Variants in ZC3H12B observed in about 807,000 individuals in gnomAD.
ZC3H12B encodes the protein zinc finger CCCH-type containing 12B, also known as probable ribonuclease ZC3H12B.
A neutral mutation model predicts 43.9 loss-of-function variants in ZC3H12B; 7 were observed. That is an observed-to-expected ratio of 0.16 (90% CI 0.09 to 0.30). The LOEUF (loss-of-function observed/expected upper bound fraction) is 0.30. Among genes scored for constraint, ZC3H12B ranks in the 10% least tolerant of loss-of-function variants. The pLI is 1.00. For missense variants in ZC3H12B, 475 were observed against 670.2 expected (o/e 0.71, Z 3.22); for synonymous variants, 222 against 241.7 (o/e 0.92, Z 0.76).
chrX:65,158,764 C>G, the ZC3H12B span, among the ~76,000 whole-genome samples: 3 of 111,775 alleles, frequency 2.7e-5, no homozygotes, highest in Non-Finnish European at 5.6e-5. Flanking sequence ...TGTGCAGAAG[C>G]TCTTTAGTTT....
intron 2 of ZC3H12B, among the ~76,000 whole-genome samples, chrX:65,380,049 G>C (rs2066413813): frequency 8.9e-6 from 1 of 112,132 alleles, no homozygotes; most frequent in Non-Finnish European, 1.9e-5. Flanking sequence ...TATTATCCAA[G>C]AGAAATTCCC....
the ZC3H12B span, among the ~76,000 whole-genome samples, chrX:65,269,882 A>G: frequency 1.8e-5 from 2 of 111,913 alleles, no homozygotes; most frequent in African/African-American, 6.5e-5. Flanking sequence ...AATAAAATAA[A>G]GAAGGCATGA....
the ZC3H12B span, among the ~76,000 whole-genome samples, chrX:65,152,432 C>T: frequency 9.0e-6 from 1 of 111,423 alleles, no homozygotes; most frequent in East Asian, 2.8e-4. Context: ...TTCTTATACA[C>T]CAATAACAGA....
At chrX:65,084,093 A>G in the ZC3H12B span, among the ~76,000 whole-genome samples, 2 of 112,152 alleles carry the variant, frequency 1.8e-5, no homozygotes, top group African/African-American at 3.2e-5. Flanking sequence ...CTCTTGCCAT[A>G]TACAAAAATC....
chrX:65,338,549 G>A, the ZC3H12B span, among the ~76,000 whole-genome samples: 26,839 of 111,380 alleles, frequency 0.24, 7,714 homozygotes, highest in African/African-American at 0.83. Flanking sequence ...AAATCGGGCA[G>A]AGACACAAGG....
intron 3 of ZC3H12B, among the ~76,000 whole-genome samples, chrX:65,437,445 G>A (rs1208950524): frequency 8.9e-6 from 1 of 112,348 alleles, no homozygotes; most frequent in African/African-American, 3.2e-5. Context: ...ATTCTGACTA[G>A]GGTGAGATGA....
At chrX:65,211,981 T>G in the ZC3H12B span, among the ~76,000 whole-genome samples, 1 of 69,444 alleles carries the variant, frequency 1.4e-5, no homozygotes, top group African/African-American at 6.1e-5. Context: ...GTATACTATA[T>G]AATATATAAT....
At chrX:65,237,871 A>G in the ZC3H12B span, among the ~76,000 whole-genome samples, 1 of 111,714 alleles carries the variant, frequency 9.0e-6, no homozygotes, top group Admixed American at 9.5e-5. Flanking sequence ...ACATTTGTTA[A>G]TTAATGTATG....
the ZC3H12B span, among the ~76,000 whole-genome samples, chrX:65,275,862 C>T: frequency 2.7e-5 from 3 of 111,503 alleles, no homozygotes; most frequent in Non-Finnish European, 5.6e-5. Context: ...AAAATATACA[C>T]GATTTCAGAA....
chrX:65,053,655 T>C, the ZC3H12B span, among the ~76,000 whole-genome samples: 1 of 111,606 alleles, frequency 9.0e-6, no homozygotes, highest in Non-Finnish European at 1.9e-5. Flanking sequence ...ATGGTATTTC[T>C]AGTTCTAGAT....
chrX:65,142,852 G>C, the ZC3H12B span, among the ~76,000 whole-genome samples: 12 of 112,199 alleles, frequency 1.1e-4, no homozygotes, highest in African/African-American at 3.9e-4. Flanking sequence ...TGTTTCATTG[G>C]TCTGTGTGCC....
chrX:65,483,754 G>C (rs780717263), upstream of ZC3H12B, among the ~76,000 whole-genome samples: 3 of 112,283 alleles, frequency 2.7e-5, no homozygotes, highest in Admixed American at 1.9e-4. Flanking sequence ...AGTAAAATGT[G>C]ATGATTTGAT....
chrX:65,314,138 A>T, the ZC3H12B span, among the ~76,000 whole-genome samples: 2 of 111,516 alleles, frequency 1.8e-5, no homozygotes, highest in South Asian at 3.7e-4. Flanking sequence ...CAGAGAAAAA[A>T]AAATTAAATC....
At chrX:65,109,937 G>A in the ZC3H12B span, among the ~76,000 whole-genome samples, 1 of 111,278 alleles carries the variant, frequency 9.0e-6, no homozygotes, top group African/African-American at 3.3e-5. Context: ...TTTCCCTAAT[G>A]AGCAATGATG....
At chrX:65,243,431 G>C in the ZC3H12B span, among the ~76,000 whole-genome samples, 1 of 111,952 alleles carries the variant, frequency 8.9e-6, no homozygotes, top group African/African-American at 3.2e-5. Flanking sequence ...TCTTACTCCA[G>C]TTAGAATGTT....
Position 65,406,565 on chromosome X carries a change from A to AGCGGGGCTGGGCGGGGCTG in ZC3H12B, n.407+7861_407+7862insGCGGGGCTGGGCGGGGCTG, listed in dbSNP as rs1569396749. Among the ~76,000 whole-genome samples the AGCGGGGCTGGGCGGGGCTG allele has an allele frequency of 9.3e-3, 453 of 48,616 alleles. 3 individuals are homozygous for AGCGGGGCTGGGCGGGGCTG. The highest frequency in any genetic ancestry group is 0.012 in the Non-Finnish European group (356 of 29,987). The allele number at this position is 48,616 out of a possible 115,157, so 42.2% of individuals were successfully genotyped here. On this transcript the variant is annotated intron_variant and non_coding_transcript_variant, in intron 3 of 5. Coordinates refer to the ZC3H12B transcript ENST00000617377. ...AGCGTCCCCCGCCCGATCGGGGCTGAACGGGGCTGGGCGGGGCTGGGCGGG... is the reference window on the plus strand; with the variant it reads ...AGCGTCCCCCGCCCGATCGGGGCTGAGCGGGGCTGGGCGGGGCTGACGGGGCTGGGCGGGGCTGGGCGGG...
At chrX:65,232,680 G>A in the ZC3H12B span, among the ~76,000 whole-genome samples, 3 of 111,466 alleles carry the variant, frequency 2.7e-5, no homozygotes, top group South Asian at 1.1e-3. Context: ...AAGGAAGGAA[G>A]AGAGTGCTAA....
the ZC3H12B span, among the ~76,000 whole-genome samples, chrX:65,088,466 C>A: frequency 9.0e-6 from 1 of 111,563 alleles, no homozygotes; most frequent in African/African-American, 3.3e-5. Flanking sequence ...CCCAGAGCAA[C>A]TTCTAGTCCT....
intron 2 of ZC3H12B, among the ~76,000 whole-genome samples, chrX:65,392,364 C>A (rs1569391746): frequency 8.9e-6 from 1 of 111,741 alleles, no homozygotes; most frequent in Non-Finnish European, 1.9e-5. Flanking sequence ...GTGGGGAGCA[C>A]CTCTGCCCGG....
Sources: gnomAD v4.1 joint callset for allele counts (sites outside exome capture counted in the v4.1 genomes callset) on GRCh38, gnomAD v4.1.1 for gene constraint, MANE v1.5 for transcripts, NCBI Gene and HGNC (gene_info 2026-07-23, HGNC 2026-07-21) for gene names.